Variants in ZNF578 observed in about 807,000 individuals in gnomAD.
ZNF578 encodes the protein zinc finger protein 578.
In ZNF578, 8 loss-of-function variants were observed where a neutral mutation model predicts 8.3. That is an observed-to-expected ratio of 0.96 (90% CI 0.56 to 1.74). ZNF578 has a LOEUF of 1.74. Among genes scored for constraint, ZNF578 ranks in the 40% most tolerant of loss-of-function variants. The pLI, the probability that ZNF578 is intolerant of heterozygous loss-of-function variation, is 0.00. For synonymous variants in ZNF578, 206 were observed against 232.2 expected, an observed-to-expected ratio of 0.89 and a Z score of 1.03; for missense variants, 726 against 707.5, an observed-to-expected ratio of 1.03 and a Z score of -0.30.
At chr19:52,502,037 G>C (rs535948646) in intron 4 of ZNF578, 129 bp downstream of exon 4, 1 of 1,427,452 alleles carries the variant, frequency 7.0e-7, no homozygotes, top group Non-Finnish European at 9.4e-7. Flanking sequence ...TGCCTGACAC[G>C]TTTGCTTGCA....
At chr19:52,504,533 C>T (rs1031581273) in intron 4 of ZNF578, 122 bp from the exon 5 acceptor site, 18 of 1,539,306 alleles carry the variant, frequency 1.2e-5, no homozygotes, top group African/African-American at 4.2e-5. Context: ...AATACCTTAA[C>T]GTGGTTTTGT....
chr19:52,492,286 T>C (rs2059368325), intron 3 of ZNF578, among the ~76,000 whole-genome samples: 1 of 151,916 alleles, frequency 6.6e-6, no homozygotes, highest in African/African-American at 2.4e-5. Flanking sequence ...CTCTGGCCGC[T>C]GCTTCCTGAG....
Position 52,466,053 on chromosome 19 carries a change from CA to C in ZNF578, c.-122+9099del, listed in dbSNP as rs1332898052. On this transcript the variant is annotated intron_variant, in intron 2 of 5. Transcript: ENST00000421239. Reference sequence around the variant, plus strand: ...GGGCCAGATTCAAGGTAGGAGCCTGCAAAAGGCCCTGATCTCTGGTCTCCAC... The same window carrying C: ...GGGCCAGATTCAAGGTAGGAGCCTGCAAAGGCCCTGATCTCTGGTCTCCAC... 2.0e-5 allele frequency among the ~76,000 whole-genome samples: 3 copies of C among 152,330 alleles called. No individual in the cohort carries two copies. In the East Asian group the frequency reaches 5.8e-4, roughly 29 times the overall value.
chr19:52,504,127 G>A (rs935378350), intron 4 of ZNF578, among the ~76,000 whole-genome samples: 1 of 148,062 alleles, frequency 6.8e-6, no homozygotes, highest in Non-Finnish European at 1.5e-5. Context: ...GTGTCAGTCT[G>A]TTGCCCAGGA....
At chr19:52,480,431 C>G (rs1321045243) in intron 2 of ZNF578, among the ~76,000 whole-genome samples, 1 of 152,132 alleles carries the variant, frequency 6.6e-6, no homozygotes, top group Non-Finnish European at 1.5e-5. Flanking sequence ...TCTGAATGCA[C>G]TATGGCTGGT....
Position 52,513,832 on chromosome 19 carries a change from C to T in ZNF578, c.*1678C>T, listed in dbSNP as rs2059461254. Among the ~76,000 whole-genome samples the T allele has an allele frequency of 2.0e-5, 3 of 152,070 alleles. No individual in the cohort carries two copies. The highest frequency in any genetic ancestry group is 2.0e-4 in the Admixed American group (3 of 15,264). On this transcript the variant is annotated 3_prime_UTR_variant, in exon 6 of 6. Coordinates refer to ENST00000421239, the MANE Select transcript of ZNF578 (RefSeq NM_001099694.2). Reference sequence around the variant, plus strand: ...TCTAAGATCAGAGTTCAAGAGCACCCTGGCTAACATGGTGAAACCCCATCT... The same window carrying T: ...TCTAAGATCAGAGTTCAAGAGCACCTTGGCTAACATGGTGAAACCCCATCT...
At chr19:52,488,248 G>C (rs2059352487) in intron 2 of ZNF578, among the ~76,000 whole-genome samples, 2 of 150,614 alleles carry the variant, frequency 1.3e-5, no homozygotes, top group African/African-American at 4.9e-5. Flanking sequence ...ACCATGCCCA[G>C]CCCATAGTAG....
intron 2 of ZNF578, among the ~76,000 whole-genome samples, chr19:52,480,703 G>C (rs8182531): frequency 0.1 from 15,115 of 151,298 alleles, 1,295 homozygotes; most frequent in East Asian, 0.33. Flanking sequence ...CAAGACGAGC[G>C]TGGCCAAGAT....
intron 3 of ZNF578, 92 bp from the exon 4 acceptor site, chr19:52,501,735 T>C: frequency 7.4e-7 from 1 of 1,360,444 alleles, no homozygotes; most frequent in Non-Finnish European, 1.0e-6. Context: ...GGCTTCTTTG[T>C]ACAGGGTGAT....
At chr19:52,465,144 C>G (rs1257510513) in intron 2 of ZNF578, among the ~76,000 whole-genome samples, 2 of 152,124 alleles carry the variant, frequency 1.3e-5, no homozygotes, top group Non-Finnish European at 2.9e-5. Context: ...CCTTGCAGAG[C>G]GGCCACTGTT....
In ZNF578 at chr19:52,505,495, C is replaced by T. The variant is rs1347162123; in HGVS notation, c.190+714C>T. ...CGACTGCAGTGGCACGATCTCGGCT[C>T]ACTGTAAGCTCCGCCTCCCGGGTTC... On this transcript the variant is annotated intron_variant, in intron 5 of 5. Transcript: ENST00000421239. 2.0e-5 allele frequency among the ~76,000 whole-genome samples: 3 copies of T among 152,130 alleles called. No homozygotes were observed. The East Asian group carries it at 5.8e-4, about 29-fold the overall frequency.
chr19:52,488,034 A>G (rs890993122), intron 2 of ZNF578, among the ~76,000 whole-genome samples: 10 of 151,134 alleles, frequency 6.6e-5, no homozygotes, highest in Non-Finnish European at 5.9e-5. Flanking sequence ...AGCTCACCAC[A>G]AACTCCGCTT....
rs536141421 is a variant in ZNF578 at position 52,511,497 on chromosome 19, G to C, written c.1116G>C (p.Lys372Asn). 16 of 1,613,768 alleles carry C rather than the reference G, an allele frequency of 9.9e-6. No individual in the cohort carries two copies. The South Asian group carries it at 1.4e-4, about 14-fold the overall frequency. Residue 372 changes from lysine (K) to asparagine (N), a missense_variant, in exon 6 of 6, where the codon AAG becomes AAC. Transcript: ENST00000421239. ...RRLHTGIKPY[K>N]CNECGKMFGQ... The stretch of plus-strand genomic sequence containing the variant: ...TTCATACTGGAATAAAACCTTACAA[G>C]TGTAATGAGTGTGGCAAGATGTTTG...
At chr19:52,494,368 A>G (rs375909805) in intron 3 of ZNF578, among the ~76,000 whole-genome samples, 30,681 of 151,996 alleles carry the variant, frequency 0.2, 3,248 homozygotes, top group Non-Finnish European at 0.22. Context: ...ATGATAGTGT[A>G]GACCTGTAAT....
intron 3 of ZNF578, among the ~76,000 whole-genome samples, chr19:52,498,680 G>T (rs545096835): frequency 1.0e-3 from 85 of 83,540 alleles, no homozygotes; most frequent in African/African-American, 5.1e-3. Flanking sequence ...ACCTCGCCTG[G>T]CCGCTTTTTT....
At chr19:52,485,574 G>A (rs2059342714) in intron 2 of ZNF578, among the ~76,000 whole-genome samples, 1 of 152,156 alleles carries the variant, frequency 6.6e-6, no homozygotes, top group Admixed American at 6.5e-5. Flanking sequence ...CTGTTACTGT[G>A]TCTACGTAGA....
intron 2 of ZNF578, among the ~76,000 whole-genome samples, chr19:52,459,771 T>TATATA (rs1568454222): frequency 2.7e-4 from 4 of 14,590 alleles, no homozygotes; most frequent in Non-Finnish European, 6.3e-4. Context: ...ATATATATAT[T>TATATA]TTTTTTTTTT....
rs552288716 is a variant in ZNF578 at position 52,515,731 on chromosome 19, CTT to C, written c.*3588_*3589del. Among the ~76,000 whole-genome samples, 3 of 142,994 alleles carry C rather than the reference CTT, an allele frequency of 2.1e-5. No homozygotes were observed. Among genetic ancestry groups the C allele is most frequent in the African/African-American group, 5.1e-5 (2 of 39,200 alleles). The allele number at this position is 142,994 out of a possible 152,430, so 93.8% of individuals were successfully genotyped here. Reference sequence around the variant, plus strand: ...AAATGGAGTGCGTGTCTGGGTGTGGCTTTTTTTTTTTTGAGGAGTGCCCAGTT... The same window carrying C: ...AAATGGAGTGCGTGTCTGGGTGTGGCTTTTTTTTTTGAGGAGTGCCCAGTT... On this transcript the variant is annotated 3_prime_UTR_variant, in exon 6 of 6. Coordinates refer to ENST00000421239, the MANE Select transcript of ZNF578 (RefSeq NM_001099694.2).
chr19:52,467,041 C>T (rs527542838), intron 2 of ZNF578, among the ~76,000 whole-genome samples: 173 of 150,748 alleles, frequency 1.1e-3, no homozygotes, highest in Middle Eastern at 0.01. Context: ...GACAGAGTCT[C>T]GCTCTGTTGC....
Sources: allele counts gnomAD v4.1 joint callset (sites outside exome capture counted in the v4.1 genomes callset), GRCh38; gene constraint gnomAD v4.1.1; transcripts MANE v1.5; gene names NCBI Gene and HGNC (gene_info 2026-07-23, HGNC 2026-07-21).